TRPS1: variants seen among roughly 807,000 people sequenced by gnomAD.
TRPS1 encodes transcriptional repressor GATA binding 1, also known as zinc finger transcription factor Trps1.
TRPS1 carries 6 observed loss-of-function variants against 101.2 expected under a neutral mutation model. That is an observed-to-expected ratio of 0.06 (90% CI 0.03 to 0.12). The LOEUF (loss-of-function observed/expected upper bound fraction) is 0.12. Among genes scored for constraint, TRPS1 ranks in the 10% least tolerant of loss-of-function variants. The probability of loss-of-function intolerance (pLI) is 1.00; values close to 1 mark genes in which losing one functional copy is unlikely to be tolerated. For missense variants in TRPS1, 1,363 were observed against 1,567.0 expected (o/e 0.87, Z 2.20); for synonymous variants, 578 against 589.8 (o/e 0.98, Z 0.29).
At chr8:115,662,848 T>C (rs935967325) in intron 1 of TRPS1, among the ~76,000 whole-genome samples, 19 of 152,098 alleles carry the variant, frequency 1.2e-4, no homozygotes, top group African/African-American at 4.1e-4. Flanking sequence ...TAAAGTTTCA[T>C]CTATTTTCCT....
intron 5 of TRPS1, among the ~76,000 whole-genome samples, chr8:115,471,903 C>T (rs534294667): frequency 6.6e-6 from 1 of 152,212 alleles, no homozygotes; most frequent in Admixed American, 6.5e-5. Flanking sequence ...AAGAGGTGGG[C>T]TCCCATGGCC....
chr8:115,446,140 G>A (rs926185659), intron 5 of TRPS1, among the ~76,000 whole-genome samples: 1 of 151,878 alleles, frequency 6.6e-6, no homozygotes, highest in Non-Finnish European at 1.5e-5. Context: ...TTTTGACTTT[G>A]CAAAGTGTTT....
intron 5 of TRPS1, among the ~76,000 whole-genome samples, chr8:115,568,109 T>TA (rs1383801109): frequency 6.6e-6 from 1 of 152,134 alleles, no homozygotes; most frequent in Non-Finnish European, 1.5e-5. Flanking sequence ...GTGACTGTCC[T>TA]AATTCCTGAC....
Position 115,587,195 on chromosome 8 carries a change from G to C in TRPS1, c.2506C>G (p.Gln836Glu), listed in dbSNP as rs1817580833. The C allele has an allele frequency of 6.2e-7, 1 of 1,614,224 alleles. No individual in the cohort carries two copies. The highest frequency in any genetic ancestry group is 8.5e-7 in the Non-Finnish European group (1 of 1,180,038). ...LLTPVSGTQE[Q>E]TKTLRDSPNV... ...GGACTATCCCTTAGAGTCTTTGTCTGCTCTTGGGTGCCAGACACAGGCGTC... is the reference window on the plus strand; with the variant it reads ...GGACTATCCCTTAGAGTCTTTGTCTCCTCTTGGGTGCCAGACACAGGCGTC... The change falls in exon 5 of 7, where the codon CAG becomes GAG. Residue 836 changes from glutamine to glutamate, a missense_variant. Physicochemically the swap from Gln to Glu is conservative, Grantham distance 29 (BLOSUM62 2). Around this residue, in one of 5 missense-constraint regions of TRPS1, gnomAD observed 1,020 missense variants for 1,073.0 expected, o/e 0.95. Coordinates refer to ENST00000395715, the MANE Select transcript of TRPS1 (RefSeq NM_014112.5).
At chr8:115,517,193 G>A (rs1815734647) in intron 5 of TRPS1, among the ~76,000 whole-genome samples, 1 of 151,568 alleles carries the variant, frequency 6.6e-6, no homozygotes, top group South Asian at 2.1e-4. Flanking sequence ...AAGTGGAATT[G>A]CCAATCTGTA....
intron 5 of TRPS1, among the ~76,000 whole-genome samples, chr8:115,552,688 C>T (rs908109376): frequency 2.0e-5 from 3 of 152,124 alleles, no homozygotes; most frequent in African/African-American, 4.8e-5. Flanking sequence ...CAGCAAACTG[C>T]AAACTGTACC....
intron 5 of TRPS1, among the ~76,000 whole-genome samples, chr8:115,498,765 G>A (rs1448893293): frequency 6.6e-6 from 1 of 151,922 alleles, no homozygotes; most frequent in East Asian, 1.9e-4. Context: ...CTGGTTGATG[G>A]AAACATGATG....
intron 1 of TRPS1, among the ~76,000 whole-genome samples, chr8:115,666,531 G>A (rs1811925577): frequency 6.6e-6 from 1 of 152,166 alleles, no homozygotes; most frequent in African/African-American, 2.4e-5. Context: ...ACAACAGTGA[G>A]TTCAGAAACT....
At chr8:115,624,718 T>C (rs1818467595) in intron 1 of TRPS1, among the ~76,000 whole-genome samples, 1 of 151,922 alleles carries the variant, frequency 6.6e-6, no homozygotes, top group South Asian at 2.1e-4. Context: ...TGTTACCGTA[T>C]AATTTAGACA....
chr8:115,539,896 G>GC (rs371816228), intron 5 of TRPS1, among the ~76,000 whole-genome samples: 56 of 152,282 alleles, frequency 3.7e-4, no homozygotes, highest in African/African-American at 1.3e-3. Context: ...GATAATATCT[G>GC]CCGTCTACAT....
chr8:115,662,256 A>C (rs904537136), intron 1 of TRPS1, among the ~76,000 whole-genome samples: 16 of 152,058 alleles, frequency 1.1e-4, no homozygotes, highest in African/African-American at 3.6e-4. Flanking sequence ...TATAGTCATA[A>C]ATGCCTTAAA....
chr8:115,447,052 C>A (rs1450737596), intron 5 of TRPS1, among the ~76,000 whole-genome samples: 1 of 152,110 alleles, frequency 6.6e-6, no homozygotes, highest in Non-Finnish European at 1.5e-5. Context: ...ATCAGAATCA[C>A]TATAGTTATA....
intron 5 of TRPS1, among the ~76,000 whole-genome samples, chr8:115,478,496 A>G (rs1271125871): frequency 6.6e-6 from 1 of 152,142 alleles, no homozygotes; most frequent in Admixed American, 6.6e-5. Context: ...TACGTTAGAA[A>G]ATTCTACTTT....
intron 5 of TRPS1, among the ~76,000 whole-genome samples, chr8:115,547,314 C>T (rs968531093): frequency 3.3e-5 from 5 of 151,860 alleles, no homozygotes; most frequent in African/African-American, 1.2e-4. Context: ...TCCCTTTCTC[C>T]CTCTCTCTCT....
At chr8:115,606,033 T>C (rs1818030164) in intron 3 of TRPS1, among the ~76,000 whole-genome samples, 1 of 152,204 alleles carries the variant, frequency 6.6e-6, no homozygotes, top group African/African-American at 2.4e-5. Flanking sequence ...AGGGAATTTT[T>C]AAATTTTCCC....
At chr8:115,594,260 A>AT (rs533669675) in intron 4 of TRPS1, among the ~76,000 whole-genome samples, 78 of 152,184 alleles carry the variant, frequency 5.1e-4, no homozygotes, top group Admixed American at 1.6e-3. Flanking sequence ...TCTAAATGCT[A>AT]TATCCTCCTG....
chr8:115,616,761 T>C (rs978125442), intron 3 of TRPS1, among the ~76,000 whole-genome samples: 3 of 152,198 alleles, frequency 2.0e-5, no homozygotes, highest in Admixed American at 6.5e-5. Flanking sequence ...ACTTACTATA[T>C]ATTTCTGACA....
chr8:115,440,130 A>C (rs1348206304), intron 5 of TRPS1, among the ~76,000 whole-genome samples: 5 of 152,334 alleles, frequency 3.3e-5, no homozygotes, highest in Non-Finnish European at 7.3e-5. Flanking sequence ...AATGATGAAA[A>C]TTCATTTTTT....
intron 5 of TRPS1, chr8:115,492,361 A>G: frequency 2.4e-6 from 1 of 423,526 alleles, no homozygotes; most frequent in South Asian, 1.7e-5. Context: ...ACAGGGTTCC[A>G]GTGTTAGAAT....
Sources: allele counts gnomAD v4.1 joint callset (sites outside exome capture counted in the v4.1 genomes callset), GRCh38; gene constraint gnomAD v4.1.1; regional missense constraint gnomAD v4.1.1; transcripts MANE v1.5; gene names NCBI Gene and HGNC (gene_info 2026-07-23, HGNC 2026-07-21).